NAIP: variants seen among roughly 807,000 people sequenced by gnomAD.
The protein encoded by NAIP is baculoviral IAP repeat-containing protein 1.
In NAIP, 15 loss-of-function variants were observed where a neutral mutation model predicts 23.0. The ratio of observed to expected loss-of-function variants is 0.65; its 90% CI spans 0.44 to 1.00. The LOEUF (loss-of-function observed/expected upper bound fraction) is 1.00, where lower values mean the gene tolerates loss of function less well. NAIP is among the 50% of genes least tolerant of loss of function. The pLI is 0.00. For missense variants in NAIP, 265 were observed against 278.8 expected, an observed-to-expected ratio of 0.95 and a Z score of 0.35; for synonymous variants, 100 against 100.2, an observed-to-expected ratio of 1.00 and a Z score of 0.01.
intron 5 of NAIP, among the ~76,000 whole-genome samples, chr5:71,010,598 C>T (rs1318142350): frequency 6.6e-6 from 1 of 150,682 alleles, no homozygotes; most frequent in East Asian, 2.0e-4. Flanking sequence ...AACAGGGTCT[C>T]TACATGCCAG....
intron 5 of NAIP, among the ~76,000 whole-genome samples, chr5:71,008,806 A>C (rs1751006012): frequency 7.4e-6 from 1 of 135,512 alleles, no homozygotes; most frequent in Non-Finnish European, 1.5e-5. Flanking sequence ...TGTCACAAAA[A>C]AAAAAAAAAA....
At chr5:70,978,149 ATTTTTTT>A (rs71223138) in intron 13 of NAIP, among the ~76,000 whole-genome samples, 16 of 24,318 alleles carry the variant, frequency 6.6e-4, no homozygotes, top group African/African-American at 1.0e-3. Context: ...ATATATATAT[ATTTTTTT>A]TTTTTTTTTT....
intron 13 of NAIP, among the ~76,000 whole-genome samples, chr5:70,977,989 C>CT (rs1221540863): frequency 8.5e-6 from 1 of 118,282 alleles, no homozygotes; most frequent in African/African-American, 2.7e-5. Context: ...GATTGAGACT[C>CT]TGTCTCAAAA....
At chr5:71,015,043 T>C (rs1580939858) in intron 3 of NAIP, among the ~76,000 whole-genome samples, 1 of 151,668 alleles carries the variant, frequency 6.6e-6, no homozygotes, top group East Asian at 1.9e-4. Flanking sequence ...TCCACACAAA[T>C]GCAAATTGAT....
intron 16 of NAIP, chr5:70,971,630 CAA>C: frequency 4.7e-6 from 1 of 210,628 alleles, no homozygotes; most frequent in Non-Finnish European, 9.5e-6. Flanking sequence ...CAAGGGACTT[CAA>C]AGAGTGTAGC....
chr5:70,996,792 C>CAAAA (rs1222506915), intron 9 of NAIP, among the ~76,000 whole-genome samples: 1 of 64,522 alleles, frequency 1.5e-5, no homozygotes, highest in African/African-American at 4.5e-5. Flanking sequence ...GACTCCATCT[C>CAAAA]AAAAAAAAAA....
chr5:71,012,780 G>A lies in NAIP; in HGVS notation c.136C>T (p.Arg46Ter), dbSNP rs372715693. Residue 46 changes from arginine to a stop codon, truncating the protein, a stop_gained, in exon 4 of 17, where the codon CGA becomes TGA. Coordinates refer to ENST00000517649, the MANE Select transcript of NAIP (RefSeq NM_004536.3). LOFTEE classifies it high-confidence loss of function. ...TTGTAGCCTTTCTGCATTTTTGCTC[G>A]CTCCTTCTGCTCCTCTTCTTCTAGT... ...KELEEEEQKE[R>*]AKMQKGYNSQ... is the part of the protein sequence containing the mutation. 126 of 1,611,662 alleles carry A rather than the reference G, an allele frequency of 7.8e-5. 2 individuals are homozygous for A. Among genetic ancestry groups the A allele is most frequent in the South Asian group, 9.9e-5 (9 of 90,982 alleles).
Position 71,011,294 on chromosome 5 carries a change from G to T in NAIP, c.649C>A (p.His217Asn). 1.2e-6 allele frequency: 2 copies of T among 1,601,116 alleles called. No individual in the cohort carries two copies. Among genetic ancestry groups the T allele is most frequent in the African/African-American group, 2.7e-5 (2 of 74,260 alleles). ...WEEGDDPWKE[H>N]AKWFPKCEFL... The stretch of plus-strand genomic sequence containing the variant: ...ACTTACTTGGGGAACCATTTGGCAT[G>T]TTCCTTCCAAGGATCATCTCCTTCT... The change falls in exon 5 of 17, where the codon CAT (histidine) becomes AAT (asparagine). Residue 217 changes from histidine (H) to asparagine (N), a missense_variant. By Grantham distance (68) the His-to-Asn change is moderately conservative. Transcript: ENST00000517649.
chr5:71,002,392 GTTGGAGGTCTTTTTTTTTTTTTTT>G (rs1750832502), intron 6 of NAIP, among the ~76,000 whole-genome samples: 1 of 43,546 alleles, frequency 2.3e-5, no homozygotes, highest in African/African-American at 9.6e-5. Flanking sequence ...CAGACACGAT[GTTGGAGGTCTTTTTTTTTTTTTTT>G]TTTTTTTTTT....
chr5:71,012,531 T>C lies in NAIP; in HGVS notation c.385A>G (p.Asn129Asp). 2 of 1,611,750 alleles carry C rather than the reference T, an allele frequency of 1.2e-6. No homozygotes were observed. Among genetic ancestry groups the C allele is most frequent in the Non-Finnish European group, 1.7e-6 (2 of 1,178,460 alleles). Residue 129 changes from asparagine to aspartate, a missense_variant, in exon 4 of 17, where the codon AAC becomes GAC. By Grantham distance (23) the Asn-to-Asp change is conservative. Coordinates refer to ENST00000517649, the MANE Select transcript of NAIP (RefSeq NM_004536.3). ...RFHPDCGFLL[N>D]KDVGNIAKYD... ...TTGGCAATGTTACCAACATCCTTGT[T>C]CAAAAGGAACCCACAATCTGGATGA...
At position 71,012,667 on chromosome 5, in the gene NAIP, G is replaced by A. The variant is rs781416187; in HGVS notation, c.249C>T (p.Ala83=). Reference sequence around the variant, plus strand: ...TTACCCCAGTGAAGTAAAACCCAGCGGCCGCCATCTCCTGTGGTATCCATG... The same window carrying A: ...TTACCCCAGTGAAGTAAAACCCAGCAGCCGCCATCTCCTGTGGTATCCATG... ...YSSWIPQEMA[A]AGFYFTGVKS... is the part of the protein sequence containing the mutation. The change falls in exon 4 of 17, where the codon GCC becomes GCT. Residue 83 remains alanine, a synonymous_variant. Transcript: ENST00000517649. 60 of 1,611,712 alleles carry A rather than the reference G, an allele frequency of 3.7e-5. 1 individual carries two copies. The highest frequency in any genetic ancestry group is 4.9e-5 in the Non-Finnish European group (58 of 1,178,460).
chr5:71,011,551 G>A (rs1443194960), intron 4 of NAIP, among the ~76,000 whole-genome samples, 177 bp from the exon 5 acceptor site: 2 of 151,378 alleles, frequency 1.3e-5, no homozygotes, highest in Non-Finnish European at 3.0e-5. Context: ...CTCCACCACA[G>A]CCGTGCTCTA....
Position 71,014,501 on chromosome 5 carries a change from C to T in NAIP, c.-3-1583G>A, listed in dbSNP as rs770940714. ...ATTTATTCTAAGCCTTGCATTTTAG[C>T]CAGTTAATCATCCCTCCCTGGTGGT... On this transcript the variant is annotated intron_variant, in intron 3 of 16. Transcript: ENST00000517649. Among the ~76,000 whole-genome samples, 69 of 151,744 alleles carry T rather than the reference C, an allele frequency of 4.5e-4. 4 individuals are homozygous for T. The highest frequency in any genetic ancestry group is 8.5e-4 in the Admixed American group (13 of 15,214).
In NAIP at chr5:71,012,422, G is replaced by A. The variant is rs1751201738; in HGVS notation, c.494C>T (p.Ser165Phe). 1 of 1,611,562 alleles carries A rather than the reference G, an allele frequency of 6.2e-7. No individual in the cohort carries two copies. The highest frequency in any genetic ancestry group is 1.3e-5 in the African/African-American group (1 of 74,684). Reference sequence around the variant, plus strand: ...GACATAAAATGGCCAGTTCCTGAAGGACGCAAGTCTAGCCTCCTCTTCTTG... The same window carrying A: ...GACATAAAATGGCCAGTTCCTGAAGAACGCAAGTCTAGCCTCCTCTTCTTG... ...RYQEEEARLA[S>F]FRNWPFYVQG... is the part of the protein sequence containing the mutation. Residue 165 changes from serine (S) to phenylalanine (F), a missense_variant, in exon 4 of 17, where the codon TCC becomes TTC. This residue lies in a region of NAIP where 261 missense variants were observed against 259.2 expected (regional missense o/e 1.01). Coordinates refer to ENST00000517649, the MANE Select transcript of NAIP (RefSeq NM_004536.3).
At chr5:71,013,501 G>T (rs901124369) in intron 3 of NAIP, among the ~76,000 whole-genome samples, 1 of 150,714 alleles carries the variant, frequency 6.6e-6, no homozygotes, top group Non-Finnish European at 1.5e-5. Context: ...TTAGCCGGGC[G>T]TGGTGGCGGG....
intron 13 of NAIP, among the ~76,000 whole-genome samples, chr5:70,979,572 CAA>C (rs1185904838): frequency 2.4e-4 from 4 of 16,686 alleles, no homozygotes; most frequent in South Asian, 3.0e-3. Context: ...GAGACTGTCT[CAA>C]AAAAAAAAAA....
In NAIP at chr5:71,013,115, T is replaced by A. The variant is rs552320196; in HGVS notation, c.-3-197A>T. Among the ~76,000 whole-genome samples, 5 of 151,644 alleles carry A rather than the reference T, an allele frequency of 3.3e-5. No individual in the cohort carries two copies. In the East Asian group the frequency reaches 9.7e-4, roughly 29 times the overall value. On this transcript the variant is annotated intron_variant, in intron 3 of 16. Transcript: ENST00000517649. ...ATATTTACTAAGCACCTACTATATA[T>A]CAGGTACAGTGCTAGACATTGGGGA...
chr5:71,015,155 T>C lies in NAIP; in HGVS notation c.-3-2237A>G, dbSNP rs192308418. On this transcript the variant is annotated intron_variant, in intron 3 of 16. Transcript: ENST00000517649. ...ATTTTGGGAGGCCAAGGTGGGAGGA[T>C]TGTTTGTGGCTAGGAGTTTGAGGCC... Among the ~76,000 whole-genome samples, 18 of 151,596 alleles carry C rather than the reference T, an allele frequency of 1.2e-4. No homozygotes were observed. The East Asian group carries it at 2.1e-3, about 18-fold the overall frequency.
rs1382842299 is a variant in NAIP, at chr5:71,012,946, C to T, written c.-3-28G>A. ...GAAAAGGAAAATAAAGCAGGTTGAT[C>T]CCTTATAGTAAGATTTTTCTTAGAA... On this transcript the variant is annotated intron_variant, in intron 3 of 16. Coordinates refer to ENST00000517649, the MANE Select transcript of NAIP (RefSeq NM_004536.3). The T allele has an allele frequency of 2.0e-6, 3 of 1,518,536 alleles. No homozygotes were observed. The East Asian group carries it at 6.8e-5, about 34-fold the overall frequency. 94.1% of individuals were successfully genotyped at this position (1,518,536 alleles called of 1,614,324 possible).
Sources: gnomAD v4.1 joint callset for allele counts (sites outside exome capture counted in the v4.1 genomes callset) on GRCh38, gnomAD v4.1.1 for gene constraint, gnomAD v4.1.1 regional missense constraint, MANE v1.5 for transcripts, NCBI Gene and HGNC (gene_info 2026-07-23, HGNC 2026-07-21) for gene names.